Variants in TSPAN8 observed in about 807,000 individuals in gnomAD.
TSPAN8 encodes tetraspanin 8.
Under a neutral mutation model 32.8 loss-of-function variants are expected in TSPAN8, and 21 were observed. The ratio of observed to expected loss-of-function variants is 0.64; its 90% CI spans 0.45 to 0.92. TSPAN8 has a LOEUF of 0.92. TSPAN8 is among the 40% of genes least tolerant of loss of function. The pLI, the probability that TSPAN8 is intolerant of heterozygous loss-of-function variation, is 0.00. For synonymous variants in TSPAN8, 95 were observed against 94.6 expected, an observed-to-expected ratio of 1.00 and a Z score of -0.03; for missense variants, 269 against 281.9, an observed-to-expected ratio of 0.95 and a Z score of 0.33.
At chr12:71,126,704 G>A (rs1226967103) in intron 8 of TSPAN8, among the ~76,000 whole-genome samples, 2 of 151,806 alleles carry the variant, frequency 1.3e-5, no homozygotes, top group Non-Finnish European at 2.9e-5. Context: ...TTTATTTCTA[G>A]GACCTCCTGT....
At chr12:71,154,838 T>C (rs2137063126) in intron 2 of TSPAN8, among the ~76,000 whole-genome samples, 1 of 152,306 alleles carries the variant, frequency 6.6e-6, no homozygotes, top group South Asian at 2.1e-4. Context: ...AATAAGCAAG[T>C]GATCTGGAAC....
At chr12:71,132,850 A>C in intron 6 of TSPAN8, 26 bp from the exon 7 acceptor site, 1 of 1,613,146 alleles carries the variant, frequency 6.2e-7, no homozygotes, top group African/African-American at 1.3e-5. Flanking sequence ...TAGAATGAGA[A>C]GCAGTCAGTA....
At chr12:71,144,706 A>G (rs985690760) in intron 2 of TSPAN8, among the ~76,000 whole-genome samples, 1 of 152,150 alleles carries the variant, frequency 6.6e-6, no homozygotes, top group Non-Finnish European at 1.5e-5. Flanking sequence ...AAAACATACG[A>G]CAAGATGTGC....
intron 2 of TSPAN8, among the ~76,000 whole-genome samples, chr12:71,146,351 A>C (rs1171449011): frequency 6.6e-6 from 1 of 152,154 alleles, no homozygotes; most frequent in Non-Finnish European, 1.5e-5. Flanking sequence ...ATATCATGAA[A>C]TTATTCGTAA....
intron 2 of TSPAN8, among the ~76,000 whole-genome samples, chr12:71,145,945 T>A (rs2137057141): frequency 6.6e-6 from 1 of 152,298 alleles, no homozygotes; most frequent in East Asian, 1.9e-4. Flanking sequence ...AAGAGCTTAG[T>A]AAGAACTCAG....
intron 8 of TSPAN8, among the ~76,000 whole-genome samples, chr12:71,126,480 A>AG (rs1871352624): frequency 6.6e-6 from 1 of 152,108 alleles, no homozygotes; most frequent in Non-Finnish European, 1.5e-5. Flanking sequence ...TCCTTGAAAT[A>AG]GAAGCCGTCA....
At position 71,139,721 on chromosome 12, in the gene TSPAN8, A is replaced by G. The variant is rs139585948; in HGVS notation, c.251T>C (p.Met84Thr). The change falls in exon 4 of 9, where the codon ATG (methionine) becomes ACG (threonine). Residue 84 changes from methionine to threonine, a missense_variant. Physicochemically the swap from Met to Thr is moderately conservative, Grantham distance 81. Coordinates refer to ENST00000247829, the MANE Select transcript of TSPAN8 (RefSeq NM_004616.3). ...GTTTGGAGAACTCACCAACAGAAGC[A>G]TGCAGCGACTTTCTTTTATAGCACC... Reference protein sequence around the residue: ...CCGAIKESRCMLLLFFIGLLL... With the variant: ...CCGAIKESRCTLLLFFIGLLL... The G allele has an allele frequency of 1.2e-6, 2 of 1,613,774 alleles. No individual in the cohort carries two copies. The highest frequency in any genetic ancestry group is 2.7e-5 in the African/African-American group (2 of 75,052).
chr12:71,144,327 A>C, intron 2 of TSPAN8, 114 bp from the exon 3 acceptor site: 1 of 813,988 alleles, frequency 1.2e-6, no homozygotes, highest in Non-Finnish European at 1.9e-6. Context: ...ATACTATCAC[A>C]ACCTGGAAGA....
intron 2 of TSPAN8, among the ~76,000 whole-genome samples, chr12:71,145,114 T>C (rs888639327): frequency 3.9e-5 from 6 of 152,072 alleles, no homozygotes; most frequent in Non-Finnish European, 8.8e-5. Context: ...GACAGACAAA[T>C]GTCCTTGGAG....
intron 2 of TSPAN8, among the ~76,000 whole-genome samples, chr12:71,150,231 C>T (rs539285614): frequency 4.6e-5 from 7 of 152,300 alleles, no homozygotes; most frequent in Admixed American, 2.0e-4. Context: ...ACACATGCAC[C>T]GCTGAACACA....
At chr12:71,132,583 A>G in intron 7 of TSPAN8, 110 bp downstream of exon 7, 1 of 1,284,390 alleles carries the variant, frequency 7.8e-7, no homozygotes, top group Non-Finnish European at 1.1e-6. Context: ...TGAGATTTTT[A>G]TATCATGATT....
chr12:71,156,273 C>CAAAAAAAAAAAA (rs1361979359), intron 2 of TSPAN8, among the ~76,000 whole-genome samples: 1 of 36,584 alleles, frequency 2.7e-5, no homozygotes, highest in African/African-American at 8.8e-5. Flanking sequence ...AAAAAACAAA[C>CAAAAAAAAAAAA]AAAAAAAAAA....
At chr12:71,149,526 T>A (rs1240553452) in intron 2 of TSPAN8, among the ~76,000 whole-genome samples, 1 of 152,212 alleles carries the variant, frequency 6.6e-6, no homozygotes, top group Admixed American at 6.5e-5. Context: ...TCTGCAATCA[T>A]GGTTTTTAAA....
chr12:71,157,162 G>A (rs1360360695), intron 2 of TSPAN8: 2 of 152,566 alleles, frequency 1.3e-5, no homozygotes, highest in Non-Finnish European at 2.9e-5. Flanking sequence ...TTGTCTTTGA[G>A]GCTCTGAAAA....
At chr12:71,144,242 A>G in intron 2 of TSPAN8, 29 bp from the exon 3 acceptor site, 1 of 1,599,106 alleles carries the variant, frequency 6.3e-7, no homozygotes, top group Non-Finnish European at 8.5e-7. Flanking sequence ...AAACAAAAAG[A>G]ATACAATTAG....
At chr12:71,137,199 G>T (rs1487763081) in intron 6 of TSPAN8, among the ~76,000 whole-genome samples, 1 of 152,168 alleles carries the variant, frequency 6.6e-6, no homozygotes, top group African/African-American at 2.4e-5. Flanking sequence ...AAGATCTCTT[G>T]AGCCCTGGTG....
intron 3 of TSPAN8, among the ~76,000 whole-genome samples, chr12:71,143,337 G>T (rs1432643296): frequency 1.3e-5 from 2 of 152,052 alleles, no homozygotes; most frequent in East Asian, 1.9e-4. Flanking sequence ...CCGCACACTC[G>T]CCCCTCCCTC....
chr12:71,129,512 A>G (rs372691032), intron 7 of TSPAN8, 98 bp from the exon 8 acceptor site: 2 of 1,242,688 alleles, frequency 1.6e-6, no homozygotes, highest in Non-Finnish European at 1.1e-6. Context: ...TTACATTGCT[A>G]TCAAGAAACA....
chr12:71,146,937 A>G (rs1197217178), intron 2 of TSPAN8, among the ~76,000 whole-genome samples: 2 of 152,212 alleles, frequency 1.3e-5, no homozygotes, highest in African/African-American at 2.4e-5. Context: ...ATAATCTGAT[A>G]GAACTGGTGA....
Sources: gnomAD v4.1 joint callset for allele counts (sites outside exome capture counted in the v4.1 genomes callset) on GRCh38, gnomAD v4.1.1 for gene constraint, MANE v1.5 for transcripts, NCBI Gene and HGNC (gene_info 2026-07-23, HGNC 2026-07-21) for gene names.